The following CLEC19A variants were observed in gnomAD, a reference collection of about 807,000 sequenced individuals.
The protein encoded by CLEC19A is C-type lectin domain containing 19A, also known as C-type lectin domain family 19 member A.
In CLEC19A, 21 loss-of-function variants were observed where a neutral mutation model predicts 26.1. The ratio of observed to expected loss-of-function variants is 0.80; its 90% CI spans 0.57 to 1.16. CLEC19A has a LOEUF of 1.16. Ranked by LOEUF, CLEC19A falls within the 50% of genes most tolerant of loss-of-function variation. The pLI is 0.00. For synonymous variants in CLEC19A, 89 were observed against 88.6 expected (o/e 1.00, Z -0.03); for missense variants, 224 against 227.6 (o/e 0.98, Z 0.10).
At chr16:19,300,987 C>T (rs1250426085) in intron 2 of CLEC19A, among the ~76,000 whole-genome samples, 1 of 152,210 alleles carries the variant, frequency 6.6e-6, no homozygotes. Flanking sequence ...AGCCAGCTAA[C>T]ATGGAGCCCT....
At chr16:19,305,575 G>A (rs1175751821) in intron 3 of CLEC19A, among the ~76,000 whole-genome samples, 1 of 152,180 alleles carries the variant, frequency 6.6e-6, no homozygotes, top group African/African-American at 2.4e-5. Context: ...TCCAGTGCCA[G>A]CTCCTTTTCT....
At chr16:19,296,075 T>G (rs1036621751) in intron 1 of CLEC19A, among the ~76,000 whole-genome samples, 1 of 152,148 alleles carries the variant, frequency 6.6e-6, no homozygotes, top group African/African-American at 2.4e-5. Flanking sequence ...AGAAGAGGAT[T>G]AAGAAAGCCA....
chr16:19,304,413 A>AAG, intron 3 of CLEC19A: 2 of 343,012 alleles, frequency 5.8e-6, no homozygotes, highest in East Asian at 5.3e-5. Context: ...AAAAAAAAAA[A>AAG]GACACTAGGC....
At chr16:19,295,850 CA>C (rs1256317297) in intron 1 of CLEC19A, among the ~76,000 whole-genome samples, 1 of 152,186 alleles carries the variant, frequency 6.6e-6, no homozygotes, top group Admixed American at 6.5e-5. Flanking sequence ...AGGCAGTGCT[CA>C]AAAGTCCCTA....
chr16:19,304,015 GA>G (rs1396583681), intron 2 of CLEC19A, 46 bp from the exon 3 acceptor site: 1 of 1,462,710 alleles, frequency 6.8e-7, no homozygotes, highest in Non-Finnish European at 9.3e-7. Context: ...TCCATCCTAT[GA>G]AAAGAGGCCA....
chr16:19,298,097 A>G (rs1437476837), intron 1 of CLEC19A, among the ~76,000 whole-genome samples: 1 of 152,034 alleles, frequency 6.6e-6, no homozygotes, highest in Non-Finnish European at 1.5e-5. Context: ...CTAAAAATAC[A>G]AAATTAACCG....
intron 4 of CLEC19A, 137 bp downstream of exon 4, chr16:19,307,814 G>A (rs1340050939): frequency 6.1e-6 from 7 of 1,153,268 alleles, no homozygotes; most frequent in African/African-American, 4.6e-5. Context: ...CTTGGAGAGC[G>A]GTGGAGGTCA....
chr16:19,297,557 GA>G (rs1039938733), intron 1 of CLEC19A, among the ~76,000 whole-genome samples: 7 of 151,976 alleles, frequency 4.6e-5, no homozygotes. Flanking sequence ...TGTAATAGTT[GA>G]AAAAACAGAG....
chr16:19,291,359 A>G (rs927810069), intron 1 of CLEC19A, among the ~76,000 whole-genome samples: 12 of 152,232 alleles, frequency 7.9e-5, no homozygotes, highest in Middle Eastern at 3.4e-3. Flanking sequence ...ATGCAGTAGG[A>G]CTCTCTAGGT....
intron 2 of CLEC19A, among the ~76,000 whole-genome samples, chr16:19,300,661 G>C (rs773887893): frequency 6.6e-6 from 1 of 152,114 alleles, no homozygotes; most frequent in South Asian, 2.1e-4. Flanking sequence ...ATTTTCAGTG[G>C]GGCTGAGGGA....
intron 3 of CLEC19A, among the ~76,000 whole-genome samples, chr16:19,306,028 A>G (rs1897945419): frequency 6.6e-6 from 1 of 151,736 alleles, no homozygotes. Flanking sequence ...TAGTTTTAGT[A>G]GAGACTGGGT....
In CLEC19A at chr16:19,309,153, A is replaced by G. The variant is rs957919975; in HGVS notation, c.*70A>G. The G allele has an allele frequency of 1.7e-5, 19 of 1,100,956 alleles. No individual in the cohort carries two copies. The highest frequency in any genetic ancestry group is 2.4e-5 in the Non-Finnish European group (18 of 742,460). The allele number at this position is 1,100,956 out of a possible 1,614,324, so 68.2% of individuals were successfully genotyped here. On this transcript the variant is annotated 3_prime_UTR_variant, in exon 5 of 5. Transcript: ENST00000636231. ...TGTAGCTGTAACCAGTGTAGAATTG[A>G]CATTGAATACATGTAAAACATACAT...
At chr16:19,306,335 C>A (rs1897953862) in intron 3 of CLEC19A, among the ~76,000 whole-genome samples, 1 of 151,722 alleles carries the variant, frequency 6.6e-6, no homozygotes, top group African/African-American at 2.4e-5. Context: ...TTGGTAGAGA[C>A]AGGGTCCCAC....
chr16:19,308,873 T>C, intron 4 of CLEC19A, 131 bp from the exon 5 acceptor site: 1 of 668,390 alleles, frequency 1.5e-6, no homozygotes, highest in East Asian at 2.8e-5. Flanking sequence ...TTGTCAAGTA[T>C]CAGCAAGAAA....
At position 19,298,667 on chromosome 16, in the gene CLEC19A, C is replaced by A; in HGVS notation, c.89-6C>A. On this transcript the variant is annotated splice_region_variant and splice_polypyrimidine_tract_variant and intron_variant, in intron 1 of 4. Transcript: ENST00000636231. ...TCCTCCCAGTCTGTTTCCTTTCTGC[C>A]CCCAGCCCTGCCAGAGCTGCCCCTG... The A allele has an allele frequency of 6.4e-7, 1 of 1,550,736 alleles. No individual in the cohort carries two copies. The highest frequency in any genetic ancestry group is 1.2e-5 in the South Asian group (1 of 84,006).
At chr16:19,296,697 T>C (rs542951951) in intron 1 of CLEC19A, among the ~76,000 whole-genome samples, 23 of 152,302 alleles carry the variant, frequency 1.5e-4, no homozygotes, top group African/African-American at 5.3e-4. Flanking sequence ...AGCCTCAGTT[T>C]CCCTATATTT....
At chr16:19,301,376 A>G (rs1223090158) in intron 2 of CLEC19A, among the ~76,000 whole-genome samples, 1 of 152,192 alleles carries the variant, frequency 6.6e-6, no homozygotes, top group Non-Finnish European at 1.5e-5. Context: ...GTAGGGAATG[A>G]GGGCAGCAGA....
rs1297289438 is a variant in CLEC19A, at chr16:19,298,690, C to T, written c.106C>T (p.Leu36=). Residue 36 remains leucine, a synonymous_variant, in exon 2 of 5, where the codon CTG becomes TTG. Transcript: ENST00000636231. ...GCCCCCAGCCCTGCCAGAGCTGCCC[C>T]TGCCTTCCCTGTGCCCCCTGTTCTG... ...SISPALPELP[L]PSLCPLFWME... The T allele has an allele frequency of 1.9e-6, 3 of 1,551,202 alleles. No individual in the cohort carries two copies. The highest frequency in any genetic ancestry group is 1.7e-4 in the Middle Eastern group (1 of 5,998).
At chr16:19,308,872 A>G (rs910635655) in intron 4 of CLEC19A, 132 bp from the exon 5 acceptor site, 3 of 666,318 alleles carry the variant, frequency 4.5e-6, no homozygotes, top group African/African-American at 1.8e-5. Flanking sequence ...CTTGTCAAGT[A>G]TCAGCAAGAA....
Sources: allele counts gnomAD v4.1 joint callset (sites outside exome capture counted in the v4.1 genomes callset), GRCh38; gene constraint gnomAD v4.1.1; transcripts MANE v1.5; gene names NCBI Gene and HGNC (gene_info 2026-07-23, HGNC 2026-07-21).